The following DCBLD1 variants were observed in gnomAD, a reference collection of about 807,000 sequenced individuals.
DCBLD1 encodes discoidin, CUB and LCCL domain-containing protein 1.
Under a neutral mutation model 71.5 loss-of-function variants are expected in DCBLD1, and 57 were observed. That is an observed-to-expected ratio of 0.80 (90% CI 0.64 to 0.99). The LOEUF is 0.99. DCBLD1 is among the 50% of genes least tolerant of loss of function. The probability of loss-of-function intolerance (pLI) is 0.00; values close to 1 mark genes in which losing one functional copy is unlikely to be tolerated. For missense variants in DCBLD1, 891 were observed against 923.5 expected (o/e 0.96, Z 0.46); for synonymous variants, 380 against 363.8 (o/e 1.04, Z -0.51).
chr6:117,541,720 G>A (rs534309895), intron 11 of DCBLD1, among the ~76,000 whole-genome samples: 27 of 152,166 alleles, frequency 1.8e-4, no homozygotes, highest in Admixed American at 5.9e-4. Flanking sequence ...ATCAGTATCC[G>A]TAGATAATCA....
chr6:117,493,274 G>A (rs13195478), intron 1 of DCBLD1, among the ~76,000 whole-genome samples: 38,409 of 151,990 alleles, frequency 0.25, 4,945 homozygotes, highest in South Asian at 0.39. Context: ...TCCAGGCCCT[G>A]CATTTTGACA....
At chr6:117,511,356 TAGAA>T (rs1222633882) in intron 2 of DCBLD1, among the ~76,000 whole-genome samples, 2 of 152,212 alleles carry the variant, frequency 1.3e-5, no homozygotes, top group African/African-American at 4.8e-5. Context: ...TGGCCAGTGA[TAGAA>T]AGAAACTCTT....
intron 1 of DCBLD1, among the ~76,000 whole-genome samples, chr6:117,499,240 C>CAAAAAAAAAA (rs71012362): frequency 6.4e-5 from 7 of 108,738 alleles, no homozygotes; most frequent in African/African-American, 1.7e-4. Context: ...CCATCTCTAC[C>CAAAAAAAAAA]AAAAAAAAAA....
At chr6:117,485,057 A>T (rs1026662409) in intron 1 of DCBLD1, 1 of 152,206 alleles carries the variant, frequency 6.6e-6, no homozygotes, top group Non-Finnish European at 1.5e-5. Context: ...ATTTACATAG[A>T]TTGTTTCACA....
chr6:117,485,812 C>T (rs1777067851), intron 1 of DCBLD1, among the ~76,000 whole-genome samples: 2 of 152,302 alleles, frequency 1.3e-5, no homozygotes, highest in African/African-American at 4.8e-5. Context: ...TTTTGTTTAT[C>T]AAGCCCAGCT....
At chr6:117,499,133 T>A (rs1019922108) in intron 1 of DCBLD1, among the ~76,000 whole-genome samples, 1 of 150,978 alleles carries the variant, frequency 6.6e-6, no homozygotes, top group Non-Finnish European at 1.5e-5. Context: ...CTAGGTGCAG[T>A]GGTGCACACC....
At chr6:117,554,646 G>A (rs544447367), downstream of DCBLD1, among the ~76,000 whole-genome samples, 2 of 152,282 alleles carry the variant, frequency 1.3e-5, no homozygotes, top group African/African-American at 4.8e-5. Context: ...TGTAATCCCA[G>A]CACTTTGGGA....
At chr6:117,567,266 TGA>T (rs979884852) in intron 14 of DCBLD1, among the ~76,000 whole-genome samples, 1 of 152,208 alleles carries the variant, frequency 6.6e-6, no homozygotes, top group Non-Finnish European at 1.5e-5. Context: ...CTCTTTCTAC[TGA>T]CCATAGTCTT....
At chr6:117,537,164 T>G in intron 6 of DCBLD1, 21 bp from the exon 7 acceptor site, 2 of 1,613,942 alleles carry the variant, frequency 1.2e-6, no homozygotes, top group Non-Finnish European at 1.7e-6. Context: ...TACCTTCTCA[T>G]GTTTGTCTTT....
intron 13 of DCBLD1, 52 bp downstream of exon 13, chr6:117,544,629 G>T (rs1285924029): frequency 6.2e-7 from 1 of 1,600,006 alleles, no homozygotes; most frequent in South Asian, 1.1e-5. Flanking sequence ...GAAGGGACAG[G>T]ATCTGCTGAT....
At position 117,563,734 on chromosome 6, in the gene DCBLD1, TA is replaced by T. The variant is rs754335178; in HGVS notation, c.1616-5871del. 8.2e-3 allele frequency among the ~76,000 whole-genome samples: 1,075 copies of T among 130,926 alleles called. 5 individuals are homozygous for T. The highest frequency in any genetic ancestry group is 0.023 in the East Asian group (106 of 4,546). The allele number at this position is 130,926 out of a possible 152,430, so 85.9% of individuals were successfully genotyped here. On this transcript the variant is annotated intron_variant, in intron 14 of 14. Coordinates refer to the DCBLD1 transcript ENST00000296955. Reference sequence around the variant, plus strand: ...GAAACTCTGTCTCGATTAAAAAAATTAAAAAAAAAAAAAAAGTTAGTTGTAT... The same window carrying T: ...GAAACTCTGTCTCGATTAAAAAAATTAAAAAAAAAAAAAAGTTAGTTGTAT...
rs1779329049 is a variant in DCBLD1 at position 117,548,016 on chromosome 6, C to T, written c.1725C>T (p.Gly575=). The change falls in exon 15 of 15, where the codon GGC becomes GGT. Residue 575 remains glycine (G), a synonymous_variant. Transcript: ENST00000338728. The stretch of plus-strand genomic sequence containing the variant: ...AGGCAGGGGTGAGCACCGATGCCGG[C>T]GGCCACTATGACTGCCCGCAGCGGG... ...AEEAGVSTDA[G]GHYDCPQRAG... The T allele has an allele frequency of 1.3e-6, 2 of 1,550,236 alleles. No individual in the cohort carries two copies. The highest frequency in any genetic ancestry group is 1.7e-6 in the Non-Finnish European group (2 of 1,146,864).
At chr6:117,536,517 T>C (rs776454848) in intron 6 of DCBLD1, among the ~76,000 whole-genome samples, 4 of 152,224 alleles carry the variant, frequency 2.6e-5, no homozygotes, top group Non-Finnish European at 5.9e-5. Flanking sequence ...GTGATAGTGA[T>C]AGAAGCGGCA....
chr6:117,492,767 C>T (rs1777336931), intron 1 of DCBLD1, among the ~76,000 whole-genome samples: 1 of 152,098 alleles, frequency 6.6e-6, no homozygotes, highest in South Asian at 2.1e-4. Context: ...ATGTTTCATA[C>T]CTTATTAGAT....
chr6:117,550,385 T>C (rs10457315), downstream of DCBLD1, among the ~76,000 whole-genome samples: 66,626 of 152,024 alleles, frequency 0.44, 15,766 homozygotes, highest in South Asian at 0.63. Context: ...TCTTTCTTTT[T>C]TGGTGTTTTG....
At chr6:117,559,019 C>T (rs1779533893) in intron 14 of DCBLD1, among the ~76,000 whole-genome samples, 1 of 152,208 alleles carries the variant, frequency 6.6e-6, no homozygotes, top group African/African-American at 2.4e-5. Context: ...CTCTTTTCTG[C>T]ACACCATTTG....
At chr6:117,487,908 A>T (rs2114356863) in intron 1 of DCBLD1, among the ~76,000 whole-genome samples, 1 of 152,312 alleles carries the variant, frequency 6.6e-6, no homozygotes. Context: ...ATGTTAAAAA[A>T]AATAGTTGTT....
intron 5 of DCBLD1, 56 bp from the exon 6 acceptor site, chr6:117,532,204 A>G: frequency 6.5e-7 from 1 of 1,527,434 alleles, no homozygotes. Context: ...GAAAACTCCA[A>G]CTATATTTTA....
intron 9 of DCBLD1, chr6:117,540,377 A>G (rs1198828400): frequency 1.6e-5 from 5 of 321,662 alleles, no homozygotes; most frequent in African/African-American, 6.3e-5. Flanking sequence ...TTGCTTGTCT[A>G]TAGCACCAGT....
Sources: allele counts gnomAD v4.1 joint callset (sites outside exome capture counted in the v4.1 genomes callset), GRCh38; gene constraint gnomAD v4.1.1; transcripts MANE v1.5; gene names NCBI Gene and HGNC (gene_info 2026-07-23, HGNC 2026-07-21).